Variants in ATP5F1C observed in about 807,000 individuals in gnomAD.
ATP5F1C encodes ATP synthase F(1) complex subunit gamma, mitochondrial.
Under a neutral mutation model 37.4 loss-of-function variants are expected in ATP5F1C, and 22 were observed. The observed-to-expected ratio is 0.59, with a 90% CI of 0.42 to 0.84. The LOEUF (loss-of-function observed/expected upper bound fraction) is 0.84. ATP5F1C is among the 40% of genes least tolerant of loss of function. The probability of loss-of-function intolerance (pLI) is 0.00; values close to 1 mark genes in which losing one functional copy is unlikely to be tolerated. For missense variants in ATP5F1C, 286 were observed against 362.4 expected (o/e 0.79, Z 1.71); for synonymous variants, 121 against 128.0 (o/e 0.95, Z 0.37).
chr10:7,798,650 C>A (rs1430731296), intron 3 of ATP5F1C, among the ~76,000 whole-genome samples: 2 of 152,192 alleles, frequency 1.3e-5, no homozygotes, highest in East Asian at 3.9e-4. Context: ...CCCGCCTTGG[C>A]CTCCCAAAGT....
chr10:7,792,893 C>G (rs1836183640), intron 1 of ATP5F1C, among the ~76,000 whole-genome samples: 1 of 152,170 alleles, frequency 6.6e-6, no homozygotes, highest in South Asian at 2.1e-4. Context: ...TTGTAAAAAG[C>G]TACCAGAACA....
At chr10:7,804,503 T>C (rs1473990109) in intron 8 of ATP5F1C, among the ~76,000 whole-genome samples, 1 of 152,234 alleles carries the variant, frequency 6.6e-6, no homozygotes, top group Non-Finnish European at 1.5e-5. Context: ...GCTCCCTTGA[T>C]TCTTCATCTG....
chr10:7,802,128 T>A, intron 6 of ATP5F1C, 142 bp from the exon 7 acceptor site: 1 of 840,676 alleles, frequency 1.2e-6, no homozygotes, highest in Non-Finnish European at 1.8e-6. Context: ...ATAGATGACA[T>A]TATTAGAACA....
chr10:7,793,111 G>GGGTTTT (rs1554772656), intron 1 of ATP5F1C, among the ~76,000 whole-genome samples: 1 of 151,922 alleles, frequency 6.6e-6, no homozygotes, highest in African/African-American at 2.4e-5. Context: ...CCATCTGGTT[G>GGGTTTT]GTTTTTGTTT....
chr10:7,792,766 T>G (rs943169881), intron 1 of ATP5F1C, among the ~76,000 whole-genome samples: 1 of 152,226 alleles, frequency 6.6e-6, no homozygotes, highest in Non-Finnish European at 1.5e-5. Context: ...TTGAAGGACA[T>G]CTGGGTTGCT....
At chr10:7,806,776 A>G (rs942938375) in intron 8 of ATP5F1C, among the ~76,000 whole-genome samples, 198 bp from the exon 9 acceptor site, 7 of 152,222 alleles carry the variant, frequency 4.6e-5, no homozygotes, top group Admixed American at 1.3e-4. Context: ...ACCTGGATTG[A>G]AATCTATGAC....
chr10:7,791,256 T>C (rs1836160046), intron 1 of ATP5F1C, among the ~76,000 whole-genome samples: 1 of 151,614 alleles, frequency 6.6e-6, no homozygotes, highest in Non-Finnish European at 1.5e-5. Flanking sequence ...GCTGAGATCG[T>C]GCCACTGCAT....
chr10:7,800,442 G>A (rs893869563), intron 6 of ATP5F1C, among the ~76,000 whole-genome samples: 7 of 151,238 alleles, frequency 4.6e-5, no homozygotes, highest in Admixed American at 2.6e-4. Flanking sequence ...TGATCCACCC[G>A]CCTCGGCCTC....
chr10:7,799,159 T>G lies in ATP5F1C; in HGVS notation c.393T>G (p.Val131=), dbSNP rs1276714274. 2.5e-6 allele frequency: 4 copies of G among 1,613,978 alleles called. No homozygotes were observed. The highest frequency in any genetic ancestry group is 8.5e-7 in the Non-Finnish European group (1 of 1,180,014). ...CAGCTGGGAAAGAAGTTATGCTTGT[T>G]GGAATTGGTGACAAAATCAGAGGCA... ...LTAAGKEVML[V]GIGDKIRGIL... Residue 131 remains valine, a synonymous_variant, in exon 4 of 10, where the codon GTT becomes GTG. Transcript: ENST00000356708.
intron 1 of ATP5F1C, among the ~76,000 whole-genome samples, chr10:7,788,762 G>T (rs1836102895): frequency 6.6e-6 from 1 of 151,992 alleles, no homozygotes; most frequent in African/African-American, 2.4e-5. Flanking sequence ...CAGAGAGCGC[G>T]GCCGTCGAGC....
intron 8 of ATP5F1C, chr10:7,804,019 G>C: frequency 2.0e-6 from 1 of 508,710 alleles, no homozygotes; most frequent in South Asian, 1.4e-5. Flanking sequence ...AGGATACAGT[G>C]GTAACAGTAT....
chr10:7,805,672 G>A (rs1836461636), intron 8 of ATP5F1C, among the ~76,000 whole-genome samples: 1 of 148,224 alleles, frequency 6.7e-6, no homozygotes, highest in Non-Finnish European at 1.5e-5. Flanking sequence ...GCATGAACCT[G>A]GGAGGCGGAG....
At chr10:7,796,404 G>T in intron 2 of ATP5F1C, 1 of 322,308 alleles carries the variant, frequency 3.1e-6, no homozygotes, top group Non-Finnish European at 5.8e-6. Context: ...TACCAGTGTT[G>T]GTGTAGGTGG....
Position 7,791,425 on chromosome 10 carries a change from AT to A in ATP5F1C, c.56+3166del, listed in dbSNP as rs1318464366. Among the ~76,000 whole-genome samples the A allele has an allele frequency of 3.3e-5, 5 of 152,228 alleles. No homozygotes were observed. The East Asian group carries it at 5.8e-4, about 18-fold the overall frequency. The stretch of plus-strand genomic sequence containing the variant: ...ATATCAGAATTAGAGTCACTTCATA[AT>A]TTTCGTTGAGAATTAGCCAATATTG... On this transcript the variant is annotated intron_variant, in intron 1 of 9. Transcript: ENST00000356708.
At chr10:7,804,211 C>T in intron 8 of ATP5F1C, 1 of 518,316 alleles carries the variant, frequency 1.9e-6, no homozygotes, top group Non-Finnish European at 3.9e-6. Context: ...GCTGTGTGGC[C>T]CTTCACCGAA....
chr10:7,806,438 T>A (rs1048651641), intron 8 of ATP5F1C, among the ~76,000 whole-genome samples: 5 of 152,158 alleles, frequency 3.3e-5, no homozygotes, highest in Admixed American at 1.3e-4. Flanking sequence ...GTGGATCACC[T>A]GAGGTCAGGA....
chr10:7,788,761 C>T (rs1047010869), intron 1 of ATP5F1C, among the ~76,000 whole-genome samples: 2 of 151,942 alleles, frequency 1.3e-5, no homozygotes, highest in African/African-American at 2.4e-5. Context: ...TCAGAGAGCG[C>T]GGCCGTCGAG....
At chr10:7,798,599 G>A (rs1352927383) in intron 3 of ATP5F1C, among the ~76,000 whole-genome samples, 3 of 152,274 alleles carry the variant, frequency 2.0e-5, no homozygotes, top group African/African-American at 2.4e-5. Flanking sequence ...TAGTAGAGAC[G>A]GGGTTTCACC....
intron 1 of ATP5F1C, among the ~76,000 whole-genome samples, chr10:7,790,329 A>C (rs962788278): frequency 6.6e-6 from 1 of 152,260 alleles, no homozygotes; most frequent in Non-Finnish European, 1.5e-5. Context: ...TTAAATTCAC[A>C]GTGGTTATTT....
Sources: gnomAD v4.1 joint callset for allele counts (sites outside exome capture counted in the v4.1 genomes callset) on GRCh38, gnomAD v4.1.1 for gene constraint, MANE v1.5 for transcripts, NCBI Gene and HGNC (gene_info 2026-07-23, HGNC 2026-07-21) for gene names.